Variants in TTC29 observed in about 807,000 individuals in gnomAD.
TTC29 encodes the protein tetratricopeptide repeat protein 29.
In TTC29, 49 loss-of-function variants were observed where a neutral mutation model predicts 58.1. The observed-to-expected ratio is 0.84, with a 90% CI of 0.67 to 1.07. TTC29 has a LOEUF of 1.07. TTC29 is among the 50% of genes least tolerant of loss of function. TTC29 has a pLI of 0.00. For missense variants in TTC29, 582 were observed against 555.6 expected (o/e 1.05, Z -0.48); for synonymous variants, 209 against 196.8 (o/e 1.06, Z -0.52).
At chr4:146,800,954 C>T (rs1263871277) in intron 11 of TTC29, among the ~76,000 whole-genome samples, 1 of 152,068 alleles carries the variant, frequency 6.6e-6, no homozygotes, top group Admixed American at 6.5e-5. Flanking sequence ...AGAGAAGAGA[C>T]CACATTTAAA....
At chr4:146,808,954 G>T (rs144573044) in intron 10 of TTC29, among the ~76,000 whole-genome samples, 2 of 152,016 alleles carry the variant, frequency 1.3e-5, no homozygotes, top group African/African-American at 4.8e-5. Context: ...AAAGAACAAA[G>T]CTGGAGGCAT....
chr4:146,749,598 G>C (rs1745821526), intron 11 of TTC29, among the ~76,000 whole-genome samples: 2 of 152,120 alleles, frequency 1.3e-5, no homozygotes, highest in Admixed American at 6.5e-5. Flanking sequence ...AGAGGAGACA[G>C]AGAAAGGGAA....
chr4:146,789,675 T>C (rs1200586284), intron 11 of TTC29, among the ~76,000 whole-genome samples: 2 of 152,196 alleles, frequency 1.3e-5, no homozygotes, highest in African/African-American at 2.4e-5. Context: ...TAAGCTAGAC[T>C]ACAATAGAAA....
chr4:146,707,195 TA>T lies in TTC29; in HGVS notation c.1398-8del. 1 of 1,485,244 alleles carries T rather than the reference TA, an allele frequency of 6.7e-7. No individual in the cohort carries two copies. The highest frequency in any genetic ancestry group is 1.4e-5 in the South Asian group (1 of 73,548). 92.0% of individuals were successfully genotyped at this position (1,485,244 alleles called of 1,614,324 possible). A position where few individuals can be genotyped will look rare whatever the true frequency, so the allele number is the denominator to read the frequency against. Reference sequence around the variant, plus strand: ...TTTTTGATCACCTGGAAACCTGAAATAAAATAAATTATAAATTTAACTTTTA... The same window carrying T: ...TTTTTGATCACCTGGAAACCTGAAATAAATAAATTATAAATTTAACTTTTA... On this transcript the variant is annotated splice_region_variant and splice_polypyrimidine_tract_variant and intron_variant, in intron 12 of 12. Transcript: ENST00000325106.
intron 4 of TTC29, among the ~76,000 whole-genome samples, chr4:146,910,353 C>T (rs909070507): frequency 6.6e-6 from 1 of 152,062 alleles, no homozygotes; most frequent in African/African-American, 2.4e-5. Flanking sequence ...CTCACTGCTG[C>T]TTCTCAATTC....
At chr4:146,826,511 A>G (rs1049759403) in intron 9 of TTC29, among the ~76,000 whole-genome samples, 4 of 152,114 alleles carry the variant, frequency 2.6e-5, no homozygotes, top group Non-Finnish European at 5.9e-5. Flanking sequence ...TTTGTAGGTG[A>G]CCTGGCCTTT....
chr4:146,928,612 T>C (rs1465924597), intron 4 of TTC29, among the ~76,000 whole-genome samples: 1 of 152,196 alleles, frequency 6.6e-6, no homozygotes, highest in Non-Finnish European at 1.5e-5. Context: ...GACATCCCTC[T>C]AGTTGCTCAG....
chr4:146,726,279 C>T (rs972316984), intron 11 of TTC29, among the ~76,000 whole-genome samples: 3 of 152,062 alleles, frequency 2.0e-5, no homozygotes, highest in African/African-American at 7.2e-5. Flanking sequence ...ATGGTGAAAT[C>T]CTGTCTTTAC....
At chr4:146,887,707 T>C (rs534848893) in intron 6 of TTC29, among the ~76,000 whole-genome samples, 48 of 152,288 alleles carry the variant, frequency 3.2e-4, no homozygotes, top group African/African-American at 1.1e-3. Flanking sequence ...AGGACTATTT[T>C]ACAATTTGCT....
intron 9 of TTC29, among the ~76,000 whole-genome samples, chr4:146,828,492 T>C (rs976446392): frequency 1.3e-5 from 2 of 152,076 alleles, no homozygotes; most frequent in Non-Finnish European, 2.9e-5. Context: ...TTATTATTAT[T>C]AATTATTTAG....
chr4:146,854,422 C>T (rs982340782), intron 8 of TTC29, among the ~76,000 whole-genome samples: 1 of 152,098 alleles, frequency 6.6e-6, no homozygotes, highest in African/African-American at 2.4e-5. Flanking sequence ...TTTGTGGCCA[C>T]GTTATTTCAC....
At chr4:146,864,430 G>A (rs918512912) in intron 8 of TTC29, among the ~76,000 whole-genome samples, 1 of 151,924 alleles carries the variant, frequency 6.6e-6, no homozygotes, top group Non-Finnish European at 1.5e-5. Context: ...AATTATTGAA[G>A]GTTTATTATA....
At chr4:146,823,819 C>G (rs974627183) in intron 9 of TTC29, among the ~76,000 whole-genome samples, 9 of 152,132 alleles carry the variant, frequency 5.9e-5, no homozygotes, top group Non-Finnish European at 1.2e-4. Context: ...TCCTTCACAT[C>G]TCTTGTTAGC....
At chr4:146,788,335 A>G (rs1051685651) in intron 11 of TTC29, among the ~76,000 whole-genome samples, 1 of 152,242 alleles carries the variant, frequency 6.6e-6, no homozygotes, top group East Asian at 1.9e-4. Context: ...AGGCTTTGCT[A>G]TAGGGATATC....
intron 4 of TTC29, among the ~76,000 whole-genome samples, chr4:146,920,571 T>C (rs17022127): frequency 0.16 from 23,887 of 150,980 alleles, 3,015 homozygotes; most frequent in African/African-American, 0.34. Flanking sequence ...TGTGTATTTC[T>C]CTTACTATGG....
chr4:146,752,985 G>A (rs532140089), intron 11 of TTC29, among the ~76,000 whole-genome samples: 2 of 152,258 alleles, frequency 1.3e-5, no homozygotes, highest in East Asian at 3.9e-4. Flanking sequence ...CAGGACATAG[G>A]CATGGGCAAG....
At position 146,842,807 on chromosome 4, in the gene TTC29, GGGCAAA is replaced by G. The variant is rs1011527001; in HGVS notation, c.886-8916_886-8911del. Among the ~76,000 whole-genome samples, 458 of 152,112 alleles carry G rather than the reference GGGCAAA, an allele frequency of 3.0e-3. 3 individuals are homozygous for G. Among genetic ancestry groups the G allele is most frequent in the African/African-American group, 0.011 (438 of 41,528 alleles). On this transcript the variant is annotated intron_variant, in intron 8 of 12. Coordinates refer to ENST00000325106, the MANE Select transcript of TTC29 (RefSeq NM_031956.4). ...GCAGTGTATTACTTTGAGGAAAAAA[GGGCAAA>G]GATACAGATTTATACTTATGCAATG...
intron 11 of TTC29, among the ~76,000 whole-genome samples, chr4:146,734,535 G>A (rs1744581563): frequency 6.6e-6 from 1 of 152,158 alleles, no homozygotes; most frequent in South Asian, 2.1e-4. Context: ...AGAAGTTCCA[G>A]GACTTGCGAC....
intron 11 of TTC29, among the ~76,000 whole-genome samples, chr4:146,745,928 A>G (rs907051621): frequency 1.3e-5 from 2 of 152,192 alleles, no homozygotes; most frequent in Non-Finnish European, 2.9e-5. Flanking sequence ...TTATCTCACA[A>G]TGTATTTCTC....
Sources: gnomAD v4.1 joint callset for allele counts (sites outside exome capture counted in the v4.1 genomes callset) on GRCh38, gnomAD v4.1.1 for gene constraint, MANE v1.5 for transcripts, NCBI Gene and HGNC (gene_info 2026-07-23, HGNC 2026-07-21) for gene names.